Variants in ST6GALNAC3 observed in about 807,000 individuals in gnomAD.
ST6GALNAC3 encodes alpha-N-acetylgalactosaminide alpha-2,6-sialyltransferase 3.
In ST6GALNAC3, 25 loss-of-function variants were observed where a neutral mutation model predicts 32.7. The observed-to-expected ratio is 0.76, with a 90% CI of 0.56 to 1.07. The LOEUF (loss-of-function observed/expected upper bound fraction) is 1.07, where lower values mean the gene tolerates loss of function less well. Among genes scored for constraint, ST6GALNAC3 ranks in the 50% least tolerant of loss-of-function variants. ST6GALNAC3 has a pLI of 0.00. For missense variants in ST6GALNAC3, 355 were observed against 382.4 expected (o/e 0.93, Z 0.60); for synonymous variants, 129 against 133.1 (o/e 0.97, Z 0.21).
At chr1:76,627,925 A>G (rs537706456) in intron 4 of ST6GALNAC3, among the ~76,000 whole-genome samples, 31 of 152,028 alleles carry the variant, frequency 2.0e-4, no homozygotes, top group Middle Eastern at 3.4e-3. Context: ...CTCAATGGTT[A>G]GTTAGATTTG....
chr1:76,251,622 A>G (rs1657622137), intron 1 of ST6GALNAC3, among the ~76,000 whole-genome samples: 1 of 152,170 alleles, frequency 6.6e-6, no homozygotes, highest in Non-Finnish European at 1.5e-5. Context: ...TCCCCAATCC[A>G]AAGTGAACTT....
intron 2 of ST6GALNAC3, among the ~76,000 whole-genome samples, chr1:76,378,154 G>A (rs566398116): frequency 3.0e-4 from 46 of 152,176 alleles, no homozygotes; most frequent in African/African-American, 1.1e-3. Flanking sequence ...TGGATATGGA[G>A]TACAAAGAGT....
intron 1 of ST6GALNAC3, among the ~76,000 whole-genome samples, chr1:76,161,401 G>C (rs988294228): frequency 3.3e-5 from 5 of 152,182 alleles, no homozygotes; most frequent in African/African-American, 1.2e-4. Context: ...GGCAGAGAGC[G>C]GCAGCACCTA....
chr1:76,358,476 T>C (rs2101043915), intron 2 of ST6GALNAC3, among the ~76,000 whole-genome samples: 1 of 152,272 alleles, frequency 6.6e-6, no homozygotes, highest in East Asian at 1.9e-4. Flanking sequence ...AAAAAATCCA[T>C]TTCCAAGCCT....
chr1:76,173,506 GCTT>G (rs1652656444), intron 1 of ST6GALNAC3, among the ~76,000 whole-genome samples: 1 of 152,150 alleles, frequency 6.6e-6, no homozygotes, highest in Non-Finnish European at 1.5e-5. Context: ...AAACTAAAGA[GCTT>G]CTGCACAGCA....
intron 1 of ST6GALNAC3, among the ~76,000 whole-genome samples, chr1:76,257,784 G>A (rs1277708676): frequency 6.6e-6 from 1 of 152,074 alleles, no homozygotes; most frequent in Non-Finnish European, 1.5e-5. Context: ...AAGTTATTCT[G>A]CCGAATGATA....
At chr1:76,279,557 AT>A (rs1340013806) in intron 1 of ST6GALNAC3, among the ~76,000 whole-genome samples, 1 of 152,192 alleles carries the variant, frequency 6.6e-6, no homozygotes, top group Non-Finnish European at 1.5e-5. Flanking sequence ...GGTGGTTAGT[AT>A]TCTTGATGGC....
intron 1 of ST6GALNAC3, among the ~76,000 whole-genome samples, chr1:76,133,514 C>T (rs1314921182): frequency 6.6e-6 from 1 of 152,230 alleles, no homozygotes. Context: ...CCCAAGTCAT[C>T]CCAGTCTAAG....
intron 3 of ST6GALNAC3, among the ~76,000 whole-genome samples, chr1:76,475,107 G>T (rs1483564957): frequency 1.3e-5 from 2 of 152,126 alleles, no homozygotes; most frequent in Non-Finnish European, 2.9e-5. Context: ...AGGTGGCGAG[G>T]TTTCACCTGG....
intron 3 of ST6GALNAC3, among the ~76,000 whole-genome samples, chr1:76,419,949 T>C (rs1308071178): frequency 2.0e-5 from 3 of 151,428 alleles, no homozygotes; most frequent in African/African-American, 7.3e-5. Flanking sequence ...TCTTTCTTTT[T>C]TTTTTTTTTG....
chr1:76,572,793 C>T (rs761562825), intron 3 of ST6GALNAC3, among the ~76,000 whole-genome samples: 20 of 152,122 alleles, frequency 1.3e-4, no homozygotes, highest in South Asian at 4.2e-4. Context: ...AAATTTGTTG[C>T]GGAGACAGCA....
At chr1:76,101,882 T>C (rs1647239112) in intron 1 of ST6GALNAC3, among the ~76,000 whole-genome samples, 2 of 152,158 alleles carry the variant, frequency 1.3e-5, no homozygotes, top group African/African-American at 4.8e-5. Flanking sequence ...TGTGTTGAGA[T>C]GTGTTTGATT....
rs112951823 is a variant in ST6GALNAC3 at position 76,468,462 on chromosome 1, A to C, written c.623+56045A>C. 2.7e-3 allele frequency among the ~76,000 whole-genome samples: 412 copies of C among 152,142 alleles called. 4 individuals are homozygous for C. The highest frequency in any genetic ancestry group is 9.6e-3 in the African/African-American group (401 of 41,556). On this transcript the variant is annotated intron_variant, in intron 3 of 4. Coordinates refer to ENST00000328299, the MANE Select transcript of ST6GALNAC3 (RefSeq NM_152996.4). ...GAGAATGCTGTAATTTTTCTTTGTG[A>C]AGCTCAAACATATATTGAAAGAGAT...
chr1:76,492,695 C>A (rs1284430608), intron 3 of ST6GALNAC3, among the ~76,000 whole-genome samples: 2 of 151,958 alleles, frequency 1.3e-5, no homozygotes, highest in Non-Finnish European at 2.9e-5. Flanking sequence ...ACAAGCCCAC[C>A]CTGAGGGAAA....
At chr1:76,582,442 C>A (rs1172808491) in intron 3 of ST6GALNAC3, among the ~76,000 whole-genome samples, 2 of 152,090 alleles carry the variant, frequency 1.3e-5, no homozygotes, top group Non-Finnish European at 2.9e-5. Context: ...CATAGTGTCA[C>A]TTCCTCATCC....
chr1:76,219,632 G>A (rs80130648), intron 1 of ST6GALNAC3, among the ~76,000 whole-genome samples: 1,789 of 152,294 alleles, frequency 0.012, 36 homozygotes, highest in African/African-American at 0.04. Flanking sequence ...ATGGTGAAAG[G>A]GTTTTGGCCA....
At chr1:76,083,751 A>G (rs1646929625) in intron 1 of ST6GALNAC3, among the ~76,000 whole-genome samples, 1 of 152,232 alleles carries the variant, frequency 6.6e-6, no homozygotes, top group Non-Finnish European at 1.5e-5. Context: ...CTCAATATAA[A>G]AATTAATGAG....
chr1:76,498,716 G>T (rs1296771231), intron 3 of ST6GALNAC3, among the ~76,000 whole-genome samples: 2 of 123,666 alleles, frequency 1.6e-5, no homozygotes, highest in Admixed American at 1.8e-4. Flanking sequence ...CCTTTGATTC[G>T]CAACAAAGCA....
intron 1 of ST6GALNAC3, among the ~76,000 whole-genome samples, chr1:76,238,519 C>T (rs537422973): frequency 2.0e-5 from 3 of 152,190 alleles, no homozygotes; most frequent in Admixed American, 6.5e-5. Context: ...CTGGACATTC[C>T]GAGACATACT....
Sources: gnomAD v4.1 joint callset for allele counts (sites outside exome capture counted in the v4.1 genomes callset) on GRCh38, gnomAD v4.1.1 for gene constraint, MANE v1.5 for transcripts, NCBI Gene and HGNC (gene_info 2026-07-23, HGNC 2026-07-21) for gene names.